Variants in SEMA4G observed in about 807,000 individuals in gnomAD.
SEMA4G encodes semaphorin-4G.
In SEMA4G, 59 loss-of-function variants were observed where a neutral mutation model predicts 81.2. That is an observed-to-expected ratio of 0.73 (90% confidence interval 0.59 to 0.90). The LOEUF (loss-of-function observed/expected upper bound fraction) is 0.90, where lower values mean the gene tolerates loss of function less well. Among genes scored for constraint, SEMA4G ranks in the 40% least tolerant of loss-of-function variants. The pLI is 0.00. For missense variants in SEMA4G, 952 were observed against 1,102.3 expected (o/e 0.86, Z 1.93); for synonymous variants, 404 against 433.9 (o/e 0.93, Z 0.86).
chr10:100,977,255 G>A (rs929182998), intron 3 of SEMA4G, among the ~76,000 whole-genome samples: 5 of 152,192 alleles, frequency 3.3e-5, no homozygotes, highest in African/African-American at 7.2e-5. Flanking sequence ...TCACCCCAGC[G>A]AGGAGGGCAG....
upstream of SEMA4G, among the ~76,000 whole-genome samples, chr10:100,970,911 CAT>C (rs1443074065): frequency 1.3e-5 from 2 of 152,208 alleles, no homozygotes; most frequent in African/African-American, 4.8e-5. Context: ...CACAAACCCA[CAT>C]GTGTGGGTTT....
rs377441953 is a variant in SEMA4G at position 100,978,428 on chromosome 10, T to G, written c.529+40T>G. The G allele has an allele frequency of 3.1e-6, 5 of 1,605,854 alleles. No individual in the cohort carries two copies. In the South Asian group the frequency reaches 5.5e-5, roughly 18 times the overall value. On this transcript the variant is annotated intron_variant, in intron 5 of 13. Coordinates refer to ENST00000370250, the Ensembl canonical transcript of SEMA4G. ...TTCCCTATCACAGACATGGTATTTT[T>G]AGGATGTGGATCTCATCTCTAGGAC...
At chr10:100,977,364 G>T (rs893387048) in intron 3 of SEMA4G, among the ~76,000 whole-genome samples, 2 of 152,196 alleles carry the variant, frequency 1.3e-5, no homozygotes, top group Non-Finnish European at 2.9e-5. Flanking sequence ...AACCAGAGGT[G>T]GAGGGAACTG....
chr10:100,972,974 C>G (rs764810125), exon 1 of SEMA4G: 42 of 1,613,732 alleles, frequency 2.6e-5, no homozygotes, highest in Middle Eastern at 1.6e-4. Context: ...GTCCCAGGAC[C>G]CTCACTGCGG....
rs1236408218 is a variant in SEMA4G at position 100,973,970 on chromosome 10, C to G, written c.336+361C>G. Among the ~76,000 whole-genome samples the G allele has an allele frequency of 6.6e-6, 1 of 151,774 alleles. No homozygotes were observed. The highest frequency in any genetic ancestry group is 2.4e-5 in the African/African-American group (1 of 41,342). On this transcript the variant is annotated intron_variant, in intron 3 of 13. Transcript: ENST00000370250. This position sits in a 1 kb window ranked among gnomAD's most constrained non-coding sequence, Gnocchi z 5.5. The stretch of plus-strand genomic sequence containing the variant: ...GTTTTATTTTTTGTAGAAACAGGGT[C>G]TTGCTATGTTGCCCAGGCTGGTCTT...
At position 100,978,281 on chromosome 10, in the gene SEMA4G, T is replaced by A; in HGVS notation, c.436-14T>A. Reference sequence around the variant, plus strand: ...GTCTTCGGAACCACTTACTGCTGGTTCCTTGTTCCCTAGGATGCTGAGGCC... The same window carrying A: ...GTCTTCGGAACCACTTACTGCTGGTACCTTGTTCCCTAGGATGCTGAGGCC... On this transcript the variant is annotated splice_polypyrimidine_tract_variant and intron_variant, in intron 4 of 13. Coordinates refer to ENST00000370250, the Ensembl canonical transcript of SEMA4G. 1 of 1,606,652 alleles carries A rather than the reference T, an allele frequency of 6.2e-7. No homozygotes were observed. The highest frequency in any genetic ancestry group is 8.5e-7 in the Non-Finnish European group (1 of 1,175,304).
chr10:100,975,023 G>A (rs368610511), intron 3 of SEMA4G: 2 of 534,238 alleles, frequency 3.7e-6, no homozygotes, highest in South Asian at 2.8e-5. Context: ...GGACAGCTCC[G>A]TTTAAAAAGG....
chr10:100,984,978 C>T, downstream of SEMA4G: 3 of 1,369,988 alleles, frequency 2.2e-6, no homozygotes, highest in Middle Eastern at 1.9e-4. Context: ...TTTCCACTCA[C>T]ATGCACCTCT....
At chr10:100,977,375 C>T (rs1168839535) in intron 3 of SEMA4G, among the ~76,000 whole-genome samples, 1 of 152,054 alleles carries the variant, frequency 6.6e-6, no homozygotes, top group African/African-American at 2.4e-5. Flanking sequence ...GAGGGAACTG[C>T]AAGAGACACA....
At chr10:100,978,333 G>A (rs753596253) in exon 5 of SEMA4G, 13 of 1,613,776 alleles carry the variant, frequency 8.1e-6, no homozygotes, top group Non-Finnish European at 1.1e-5. Flanking sequence ...GCTTCGAGGA[G>A]GGGAAGGAGA....
At chr10:100,969,735 G>A (rs902878950), upstream of SEMA4G, 1 of 398,466 alleles carries the variant, frequency 2.5e-6, no homozygotes, top group Non-Finnish European at 5.2e-6. Flanking sequence ...GGTCCTGCAT[G>A]ACGGCTCTAG....
chr10:100,975,059 C>T (rs767793268), intron 3 of SEMA4G: 1 of 533,986 alleles, frequency 1.9e-6, no homozygotes, highest in South Asian at 1.4e-5. Flanking sequence ...CCATCAAAGG[C>T]TGCCTCTTGG....
In SEMA4G at chr10:100,973,686, C is replaced by A; in HGVS notation, c.336+77C>A. The A allele has an allele frequency of 7.4e-7, 1 of 1,353,706 alleles. No homozygotes were observed. Among genetic ancestry groups the A allele is most frequent in the Non-Finnish European group, 1.0e-6 (1 of 959,558 alleles). 83.9% of individuals were successfully genotyped at this position (1,353,706 alleles called of 1,614,324 possible). On this transcript the variant is annotated intron_variant, in intron 3 of 13. Transcript: ENST00000370250. The surrounding 1 kb of genome is among the most constrained non-coding windows in gnomAD (Gnocchi z 5.5). ...AGGGATGCCAGGATTGTTGGGGACACAGATGGGTAGGTACAGACCTGCCAG... is the reference window on the plus strand; with the variant it reads ...AGGGATGCCAGGATTGTTGGGGACAAAGATGGGTAGGTACAGACCTGCCAG...
At chr10:100,984,227 C>G (rs887726997) in exon 14 of SEMA4G, 11 of 1,484,572 alleles carry the variant, frequency 7.4e-6, no homozygotes, top group Non-Finnish European at 8.0e-6. Flanking sequence ...CTTCATTACC[C>G]CCACTCCATA....
Position 100,973,046 on chromosome 10 carries a change from T to G in SEMA4G, c.124+10T>G. The G allele has an allele frequency of 1.2e-6, 2 of 1,614,042 alleles. No homozygotes were observed. Among genetic ancestry groups the G allele is most frequent in the Non-Finnish European group, 1.7e-6 (2 of 1,179,996 alleles). ...ACCATACCCTATGAAGGTTAGACCC[T>G]CAACCTCAAAAGGCAGCAGAAGCCA... On this transcript the variant is annotated intron_variant, in intron 1 of 13. Coordinates refer to ENST00000370250, the Ensembl canonical transcript of SEMA4G. The surrounding 1 kb of genome is among the most constrained non-coding windows in gnomAD (Gnocchi z 5.5).
At chr10:100,983,878 A>G (rs889434035) in exon 14 of SEMA4G, 3 of 1,557,806 alleles carry the variant, frequency 1.9e-6, no homozygotes, top group African/African-American at 2.7e-5. Flanking sequence ...AGCTGTCTCC[A>G]GATCATCCCT....
chr10:100,972,002 T>A (rs1570171), upstream of SEMA4G, among the ~76,000 whole-genome samples: 42,252 of 151,764 alleles, frequency 0.28, 6,792 homozygotes, highest in East Asian at 0.54. Flanking sequence ...TGGGCAGAGA[T>A]GTGCACCCCC....
chr10:100,977,614 C>G lies in SEMA4G; in HGVS notation c.337-18C>G. 2 of 1,609,658 alleles carry G rather than the reference C, an allele frequency of 1.2e-6. No individual in the cohort carries two copies. The highest frequency in any genetic ancestry group is 1.7e-6 in the Non-Finnish European group (2 of 1,175,970). ...AGTCAGGCAGGGGGCTCACAGCCCT[C>G]TCCACCTCATCCCACAGACGGAGTG... is the stretch of plus-strand genomic sequence containing the variant. On this transcript the variant is annotated intron_variant, in intron 3 of 13. Coordinates refer to ENST00000370250, the Ensembl canonical transcript of SEMA4G.
In SEMA4G at chr10:100,973,428, T is replaced by TTCC; in HGVS notation, c.274-114_274-112dup. 2.9e-6 allele frequency: 4 copies of TTCC among 1,392,470 alleles called. No homozygotes were observed. In the South Asian group the frequency reaches 5.1e-5, roughly 18 times the overall value. The allele number at this position is 1,392,470 out of a possible 1,614,324, so 86.3% of individuals were successfully genotyped here. On this transcript the variant is annotated intron_variant, in intron 2 of 13. Coordinates refer to ENST00000370250, the Ensembl canonical transcript of SEMA4G. The surrounding 1 kb of genome is among the most constrained non-coding windows in gnomAD (Gnocchi z 5.5). Reference sequence around the variant, plus strand: ...GCCCAGGTGTTCCTTGCATTCAGTGTTCCTCCTGAAATTGATCCCCACCCC... The same window carrying TTCC: ...GCCCAGGTGTTCCTTGCATTCAGTGTTCCTCCTCCTGAAATTGATCCCCACCCC...
Sources: allele counts gnomAD v4.1 joint callset (sites outside exome capture counted in the v4.1 genomes callset), GRCh38; gene constraint gnomAD v4.1.1; non-coding constraint Gnocchi (gnomAD v3.1); transcripts MANE v1.5; gene names NCBI Gene and HGNC (gene_info 2026-07-23, HGNC 2026-07-21).